MEGF11: variants seen among roughly 807,000 people sequenced by gnomAD.
The protein encoded by MEGF11 is multiple epidermal growth factor-like domains protein 11.
In MEGF11, 126 loss-of-function variants were observed where a neutral mutation model predicts 146.6. The observed-to-expected ratio is 0.86, with a 90% CI of 0.74 to 1.00. MEGF11 has a LOEUF of 1.00. Ranked by LOEUF, MEGF11 falls within the 50% of genes least tolerant of loss-of-function variation. The pLI is 0.00. For missense variants in MEGF11, 1,509 were observed against 1,521.2 expected, an observed-to-expected ratio of 0.99 and a Z score of 0.13; for synonymous variants, 532 against 583.4, an observed-to-expected ratio of 0.91 and a Z score of 1.27.
intron 1 of MEGF11, among the ~76,000 whole-genome samples, chr15:66,140,015 C>T (rs7165661): frequency 0.37 from 55,892 of 152,042 alleles, 11,181 homozygotes; most frequent in South Asian, 0.55. Context: ...TCACACTCCC[C>T]GGTGCCAGTC....
At chr15:65,904,653 T>C (rs1193581766) in intron 24 of MEGF11, among the ~76,000 whole-genome samples, 1 of 152,192 alleles carries the variant, frequency 6.6e-6, no homozygotes, top group Non-Finnish European at 1.5e-5. Flanking sequence ...TCTGAAAGAC[T>C]AGAACGGTAA....
chr15:65,999,873 C>T (rs1596973234), intron 5 of MEGF11, among the ~76,000 whole-genome samples: 1 of 152,338 alleles, frequency 6.6e-6, no homozygotes, highest in African/African-American at 2.4e-5. Flanking sequence ...TTATCATCAT[C>T]CACTGGCTGT....
intron 23 of MEGF11, among the ~76,000 whole-genome samples, chr15:65,907,401 T>A (rs2078661706): frequency 6.6e-6 from 1 of 152,146 alleles, no homozygotes; most frequent in Admixed American, 6.5e-5. Context: ...TTCAATCGAT[T>A]CTCCTGTCTC....
At position 65,922,965 on chromosome 15, in the gene MEGF11, G is replaced by A; in HGVS notation, c.1680C>T (p.Ile560=). 1 of 1,612,500 alleles carries A rather than the reference G, an allele frequency of 6.2e-7. No homozygotes were observed. The highest frequency in any genetic ancestry group is 8.5e-7 in the Non-Finnish European group (1 of 1,179,542). The change falls in exon 14 of 26, where the codon ATC becomes ATT. Residue 560 remains isoleucine (I), a synonymous_variant. Transcript: ENST00000395614. ...CAGGTGGACACGTGCTGTCACAGCG[G>A]ATGCCTGTGGGCCAGAGGCAGACTC... is the stretch of plus-strand genomic sequence containing the variant. ...HCCCLAGWTG[I]RCDSTCPPGR...
intron 17 of MEGF11, 122 bp from the exon 18 acceptor site, chr15:65,916,398 C>T (rs2141221692): frequency 8.0e-7 from 1 of 1,245,276 alleles, no homozygotes; most frequent in East Asian, 2.6e-5. Context: ...CTAGTGAGAC[C>T]CTGCACCAGA....
chr15:66,146,089 G>A (rs2089359866), intron 1 of MEGF11, among the ~76,000 whole-genome samples: 1 of 152,040 alleles, frequency 6.6e-6, no homozygotes, highest in South Asian at 2.1e-4. Context: ...TAATTTGCTG[G>A]GTGATTTTGG....
rs141375752 is a variant in MEGF11 at position 66,122,249 on chromosome 15, G to A, written c.200+1650C>T. 2.5e-3 allele frequency among the ~76,000 whole-genome samples: 338 copies of A among 137,464 alleles called. 1 individual carries two copies. Among genetic ancestry groups the A allele is most frequent in the African/African-American group, 8.7e-3 (329 of 37,626 alleles). The allele number at this position is 137,464 out of a possible 152,430, so 90.2% of individuals were successfully genotyped here. ...ACTGCACTCCAGCCTGGGCAACAGA[G>A]TGCGATTCTGTCAAAAAAAAAAAAC... On this transcript the variant is annotated intron_variant, in intron 3 of 25. Transcript: ENST00000395614.
chr15:66,117,193 C>A (rs773593471), intron 4 of MEGF11, among the ~76,000 whole-genome samples: 3 of 152,184 alleles, frequency 2.0e-5, no homozygotes, highest in Non-Finnish European at 2.9e-5. Context: ...AGTGGCAGAG[C>A]AAGGATCAAA....
chr15:66,013,701 A>G (rs1241484878), intron 5 of MEGF11, among the ~76,000 whole-genome samples: 1 of 152,236 alleles, frequency 6.6e-6, no homozygotes, highest in African/African-American at 2.4e-5. Context: ...CAAGGGCCGT[A>G]TAATAGTGGG....
At chr15:66,160,693 ACACACACACACACC>A (rs991324992) in intron 1 of MEGF11, among the ~76,000 whole-genome samples, 3 of 151,360 alleles carry the variant, frequency 2.0e-5, no homozygotes, top group African/African-American at 7.3e-5. Flanking sequence ...ACACACACAC[ACACACACACACACC>A]CTTGCCCTAG....
chr15:66,195,459 C>A (rs1210504135), intron 1 of MEGF11, among the ~76,000 whole-genome samples: 1 of 152,200 alleles, frequency 6.6e-6, no homozygotes, highest in Non-Finnish European at 1.5e-5. Flanking sequence ...GGTTCCCCCA[C>A]AAGCAAACCT....
chr15:66,253,453 G>A (rs988090640), intron 1 of MEGF11, among the ~76,000 whole-genome samples, 152 bp downstream of exon 1: 5 of 152,200 alleles, frequency 3.3e-5, no homozygotes, highest in Non-Finnish European at 2.9e-5. Context: ...GCCGGGACCC[G>A]GGCAGGGCGG....
At chr15:66,124,649 C>T (rs2088242006) in intron 2 of MEGF11, among the ~76,000 whole-genome samples, 1 of 152,246 alleles carries the variant, frequency 6.6e-6, no homozygotes, top group Non-Finnish European at 1.5e-5. Flanking sequence ...TTACCTTTTA[C>T]TCTATTCTGC....
intron 1 of MEGF11, among the ~76,000 whole-genome samples, chr15:66,227,321 C>A (rs1013491991): frequency 6.6e-5 from 10 of 152,012 alleles, no homozygotes; most frequent in African/African-American, 2.2e-4. Flanking sequence ...ATTGCTGAGC[C>A]CAGTGCCTGC....
At chr15:66,197,700 G>A (rs2091044857) in intron 1 of MEGF11, among the ~76,000 whole-genome samples, 2 of 152,224 alleles carry the variant, frequency 1.3e-5, no homozygotes, top group South Asian at 4.1e-4. Context: ...GGGATTACAG[G>A]CGTGAGCCAC....
chr15:66,222,997 A>C (rs1169989572), intron 1 of MEGF11, among the ~76,000 whole-genome samples: 2 of 152,200 alleles, frequency 1.3e-5, no homozygotes, highest in Non-Finnish European at 2.9e-5. Context: ...GCATGTACCC[A>C]ACATAAAAGA....
chr15:66,106,114 C>T (rs527942175), intron 4 of MEGF11, among the ~76,000 whole-genome samples: 3 of 152,236 alleles, frequency 2.0e-5, no homozygotes, highest in Non-Finnish European at 2.9e-5. Flanking sequence ...AGCAAAGAAG[C>T]GATTCTGGCT....
At chr15:66,222,403 C>T (rs1033099477) in intron 1 of MEGF11, among the ~76,000 whole-genome samples, 8 of 152,130 alleles carry the variant, frequency 5.3e-5, no homozygotes, top group African/African-American at 1.7e-4. Flanking sequence ...CCTTCCTTGA[C>T]GCCTGGTCAG....
intron 10 of MEGF11, among the ~76,000 whole-genome samples, chr15:65,954,065 A>T (rs1292772559): frequency 6.6e-6 from 1 of 152,114 alleles, no homozygotes; most frequent in East Asian, 1.9e-4. Context: ...GGCAAAACTG[A>T]TTTACTCCTC....
Sources: gnomAD v4.1 joint callset for allele counts (sites outside exome capture counted in the v4.1 genomes callset) on GRCh38, gnomAD v4.1.1 for gene constraint, MANE v1.5 for transcripts, NCBI Gene and HGNC (gene_info 2026-07-23, HGNC 2026-07-21) for gene names.